The following ZFHX3 variants were observed in gnomAD, a reference collection of about 807,000 sequenced individuals.
ZFHX3 encodes zinc finger homeobox protein 3.
Under a neutral mutation model 279.1 loss-of-function variants are expected in ZFHX3, and 42 were observed. The observed-to-expected ratio is 0.15, with a 90% CI of 0.12 to 0.19. The LOEUF is 0.19. Ranked by LOEUF, ZFHX3 falls within the 10% of genes least tolerant of loss-of-function variation. The pLI, the probability that ZFHX3 is intolerant of heterozygous loss-of-function variation, is 1.00. For missense variants in ZFHX3, 4,981 were observed against 4,754.0 expected, an observed-to-expected ratio of 1.05 and a Z score of -1.40; for synonymous variants, 2,293 against 1,957.8, an observed-to-expected ratio of 1.17 and a Z score of -4.52.
At chr16:73,265,299 G>T (rs1190445067) in intron 4 of ZFHX3, among the ~76,000 whole-genome samples, 1 of 152,184 alleles carries the variant, frequency 6.6e-6, no homozygotes, top group Admixed American at 6.5e-5. Flanking sequence ...GGGCGGAGCA[G>T]CAGTCATGAG....
chr16:73,806,320 A>G (rs959534196), intron 1 of ZFHX3, among the ~76,000 whole-genome samples: 1 of 152,252 alleles, frequency 6.6e-6, no homozygotes, highest in African/African-American at 2.4e-5. Flanking sequence ...GCAAAGGCCT[A>G]GAGATAGGAA....
chr16:73,052,110 G>C (rs1965462030), upstream of ZFHX3, among the ~76,000 whole-genome samples: 3 of 151,952 alleles, frequency 2.0e-5, no homozygotes, highest in African/African-American at 7.3e-5. Context: ...GCTAACCACT[G>C]AATTCTTGGA....
intron 4 of ZFHX3, among the ~76,000 whole-genome samples, chr16:73,314,060 C>T (rs1056094561): frequency 2.0e-5 from 3 of 152,096 alleles, no homozygotes; most frequent in Non-Finnish European, 2.9e-5. Context: ...GATTATACCA[C>T]TGCACTCCAG....
At chr16:72,944,656 A>C (rs987733494) in intron 3 of ZFHX3, among the ~76,000 whole-genome samples, 4 of 152,196 alleles carry the variant, frequency 2.6e-5, no homozygotes, top group African/African-American at 9.6e-5. Flanking sequence ...GATTTTTCCA[A>C]ATTTTTTTAC....
At position 73,682,850 on chromosome 16, in the gene ZFHX3, AAG is replaced by A. The variant is rs771627415; in HGVS notation, c.-1607-2612_-1607-2611del. Among the ~76,000 whole-genome samples the A allele has an allele frequency of 6.2e-3, 627 of 100,658 alleles. 5 individuals are homozygous for A. The highest frequency in any genetic ancestry group is 0.022 in the African/African-American group (559 of 25,154). The allele number at this position is 100,658 out of a possible 152,430, so 66.0% of individuals were successfully genotyped here. A position where few individuals can be genotyped will look rare whatever the true frequency, so the allele number is the denominator to read the frequency against. On this transcript the variant is annotated intron_variant, in intron 1 of 17. Coordinates refer to the ZFHX3 transcript ENST00000641206. ...AAGGAGAGAGAGAGAGAAAAAAAGAAAGAGAAAGAAAGAAAGAAAGAAAGAAA... is the reference window on the plus strand; with the variant it reads ...AAGGAGAGAGAGAGAGAAAAAAAGAAAGAAAGAAAGAAAGAAAGAAAGAAA...
At chr16:73,869,754 T>C (rs905721114) in intron 1 of ZFHX3, among the ~76,000 whole-genome samples, 1 of 152,242 alleles carries the variant, frequency 6.6e-6, no homozygotes. Context: ...GTATTCATGA[T>C]ACATAAGACT....
At chr16:72,835,368 A>T (rs1338355634) in intron 4 of ZFHX3, among the ~76,000 whole-genome samples, 1 of 152,092 alleles carries the variant, frequency 6.6e-6, no homozygotes, top group African/African-American at 2.4e-5. Context: ...AATATGTATA[A>T]CCCAGAAAAA....
At chr16:73,813,485 A>G (rs1240289029) in intron 1 of ZFHX3, among the ~76,000 whole-genome samples, 1 of 152,102 alleles carries the variant, frequency 6.6e-6, no homozygotes, top group Non-Finnish European at 1.5e-5. Context: ...CTTTTCTGTA[A>G]GTCCATTTCA....
At chr16:73,569,431 G>A (rs577591718) in intron 2 of ZFHX3, among the ~76,000 whole-genome samples, 1 of 150,794 alleles carries the variant, frequency 6.6e-6, no homozygotes, top group East Asian at 2.0e-4. Flanking sequence ...CTCCGAAAGA[G>A]ATACCGATGT....
intron 1 of ZFHX3, among the ~76,000 whole-genome samples, chr16:73,761,785 G>C (rs776722899): frequency 1.9e-4 from 29 of 152,150 alleles, no homozygotes; most frequent in Non-Finnish European, 4.1e-4. Flanking sequence ...GCCATATGCA[G>C]AAAATTGAAA....
intron 3 of ZFHX3, among the ~76,000 whole-genome samples, chr16:73,391,886 A>C (rs141073625): frequency 9.2e-5 from 14 of 152,334 alleles, no homozygotes; most frequent in African/African-American, 2.9e-4. Context: ...CAATGACAGA[A>C]GACTAAGAAA....
At chr16:72,790,299 A>C (rs2035645302) in intron 9 of ZFHX3, 1 of 152,234 alleles carries the variant, frequency 6.6e-6, no homozygotes, top group African/African-American at 2.4e-5. Context: ...CTCTCAGAAC[A>C]CCTCTATATT....
chr16:73,871,063 G>A (rs1349918622), intron 1 of ZFHX3, among the ~76,000 whole-genome samples: 1 of 152,238 alleles, frequency 6.6e-6, no homozygotes, highest in Non-Finnish European at 1.5e-5. Flanking sequence ...TGGGTCAGAC[G>A]GATGAGAATA....
intron 1 of ZFHX3, among the ~76,000 whole-genome samples, chr16:72,967,057 G>A (rs568862760): frequency 6.6e-6 from 1 of 152,224 alleles, no homozygotes; most frequent in Non-Finnish European, 1.5e-5. Context: ...ATGAGATCAG[G>A]TTCCCTGTGC....
chr16:72,814,913 A>G (rs976025660), intron 5 of ZFHX3, among the ~76,000 whole-genome samples: 5 of 152,120 alleles, frequency 3.3e-5, no homozygotes, highest in Admixed American at 2.6e-4. Context: ...AAGATAAAGC[A>G]ATGCCATCCT....
chr16:72,915,746 G>C (rs1355625781), intron 3 of ZFHX3, among the ~76,000 whole-genome samples: 2 of 149,902 alleles, frequency 1.3e-5, no homozygotes, highest in African/African-American at 2.5e-5. Context: ...CTCTGTGACA[G>C]AGCAAGACTC....
intron 5 of ZFHX3, among the ~76,000 whole-genome samples, chr16:73,211,824 T>C (rs541728107): frequency 6.6e-6 from 1 of 152,168 alleles, no homozygotes; most frequent in East Asian, 1.9e-4. Context: ...ACCAGGAGTC[T>C]TGGGGATGGA....
At chr16:73,054,961 C>T (rs919575482) in intron 1 of ZFHX3, among the ~76,000 whole-genome samples, 1 of 151,522 alleles carries the variant, frequency 6.6e-6, no homozygotes, top group Non-Finnish European at 1.5e-5. Context: ...TTCCTAAACC[C>T]AAAAGATTTT....
At chr16:72,848,689 G>A (rs918401044) in intron 4 of ZFHX3, among the ~76,000 whole-genome samples, 3 of 133,840 alleles carry the variant, frequency 2.2e-5, no homozygotes, top group Non-Finnish European at 3.1e-5. Context: ...GCCAGTGCCT[G>A]CCCCTCTTGC....
Sources: gnomAD v4.1 joint callset for allele counts (sites outside exome capture counted in the v4.1 genomes callset) on GRCh38, gnomAD v4.1.1 for gene constraint, MANE v1.5 for transcripts, NCBI Gene and HGNC (gene_info 2026-07-23, HGNC 2026-07-21) for gene names.